Variants in ZMYM4 observed in about 807,000 individuals in gnomAD.
The protein encoded by ZMYM4 is zinc finger MYM-type protein 4.
In ZMYM4, 31 loss-of-function variants were observed where a neutral mutation model predicts 183.2. The ratio of observed to expected loss-of-function variants is 0.17; its 90% CI spans 0.13 to 0.23. ZMYM4 has a LOEUF of 0.23. ZMYM4 is among the 10% of genes least tolerant of loss of function. The probability of loss-of-function intolerance (pLI) is 1.00; values close to 1 mark genes in which losing one functional copy is unlikely to be tolerated. For missense variants in ZMYM4, 1,273 were observed against 1,840.3 expected, an observed-to-expected ratio of 0.69 and a Z score of 5.64; for synonymous variants, 592 against 631.2, an observed-to-expected ratio of 0.94 and a Z score of 0.93.
At chr1:35,329,564 G>C (rs765119615) in intron 2 of ZMYM4, among the ~76,000 whole-genome samples, 1 of 152,190 alleles carries the variant, frequency 6.6e-6, no homozygotes, top group African/African-American at 2.4e-5. Context: ...GAACATAACA[G>C]ACTTGACAGT....
chr1:35,271,707 A>C (rs943031662), intron 1 of ZMYM4, among the ~76,000 whole-genome samples: 4 of 152,194 alleles, frequency 2.6e-5, no homozygotes, highest in African/African-American at 7.2e-5. Flanking sequence ...CTGGCCCAAA[A>C]GTTAATTTTA....
At chr1:35,392,072 C>A in intron 15 of ZMYM4, 140 bp from the exon 16 acceptor site, 1 of 1,075,254 alleles carries the variant, frequency 9.3e-7, no homozygotes, top group Non-Finnish European at 1.3e-6. Context: ...AAAACCAAAA[C>A]CCAGTTAATC....
intron 1 of ZMYM4, among the ~76,000 whole-genome samples, chr1:35,296,980 G>A (rs998363523): frequency 6.6e-6 from 1 of 150,946 alleles, no homozygotes; most frequent in African/African-American, 2.4e-5. Context: ...CTCCTGAGTA[G>A]CTAGGATTAC....
At chr1:35,304,875 C>G (rs1641459412) in intron 1 of ZMYM4, among the ~76,000 whole-genome samples, 1 of 151,582 alleles carries the variant, frequency 6.6e-6, no homozygotes, top group Non-Finnish European at 1.5e-5. Flanking sequence ...TAGACAGAGT[C>G]TTGCTCTGTC....
intron 17 of ZMYM4, among the ~76,000 whole-genome samples, chr1:35,392,936 G>T (rs1644737547): frequency 6.6e-6 from 1 of 152,088 alleles, no homozygotes; most frequent in South Asian, 2.1e-4. Context: ...GAAGTAAATT[G>T]TACAGGATTT....
chr1:35,389,060 A>G lies in ZMYM4; in HGVS notation c.2414A>G (p.Lys805Arg). ...TTCTGTTGTGAAGAATGCATGTCCA[A>G]ATATACAGTTTTGTTCTATCAGGTA... ...EEFCCEECMS[K>R]YTVLFYQMAK... The change falls in exon 14 of 30, where the codon AAA becomes AGA. Residue 805 changes from lysine to arginine, a missense_variant. Coordinates refer to ENST00000314607, the MANE Select transcript of ZMYM4 (RefSeq NM_005095.3). This position sits in a 1 kb window ranked among gnomAD's most constrained non-coding sequence, Gnocchi z 4.0. 1.2e-6 allele frequency: 2 copies of G among 1,613,852 alleles called. No individual in the cohort carries two copies. The highest frequency in any genetic ancestry group is 1.7e-6 in the Non-Finnish European group (2 of 1,179,952).
chr1:35,268,776 G>C lies in ZMYM4; in HGVS notation c.-271G>C, dbSNP rs1639431999. On this transcript the variant is annotated 5_prime_UTR_variant, in exon 1 of 30. Transcript: ENST00000314607. Reference sequence around the variant, plus strand: ...TCTGAGAGAAAATAATCCTACTCACGGGGCCCCTTGGAGGCCATTAACCCC... The same window carrying C: ...TCTGAGAGAAAATAATCCTACTCACCGGGCCCCTTGGAGGCCATTAACCCC... 1.3e-5 allele frequency among the ~76,000 whole-genome samples: 2 copies of C among 152,216 alleles called. No homozygotes were observed. Among genetic ancestry groups the C allele is most frequent in the Admixed American group, 6.5e-5 (1 of 15,284 alleles).
At chr1:35,278,552 A>C (rs987641545) in intron 1 of ZMYM4, among the ~76,000 whole-genome samples, 2 of 151,872 alleles carry the variant, frequency 1.3e-5, no homozygotes, top group Non-Finnish European at 1.5e-5. Flanking sequence ...CAGTCTCCCA[A>C]GTAGCTGGGA....
intron 2 of ZMYM4, among the ~76,000 whole-genome samples, chr1:35,326,075 G>A (rs1333074591): frequency 6.6e-6 from 1 of 152,054 alleles, no homozygotes; most frequent in Non-Finnish European, 1.5e-5. Flanking sequence ...TTGTATGGCT[G>A]TATAATAAGT....
intron 2 of ZMYM4, chr1:35,350,914 A>G: frequency 1.6e-6 from 1 of 642,930 alleles, no homozygotes; most frequent in East Asian, 2.6e-5. Flanking sequence ...CAGATTGCTT[A>G]TGCCCTTATA....
chr1:35,400,733 G>A (rs894235786), intron 23 of ZMYM4, among the ~76,000 whole-genome samples: 2 of 152,132 alleles, frequency 1.3e-5, no homozygotes, highest in African/African-American at 4.8e-5. Context: ...ATTCCACTTA[G>A]CAAGAAGTTC....
intron 1 of ZMYM4, among the ~76,000 whole-genome samples, chr1:35,275,901 T>A (rs1414807655): frequency 6.6e-6 from 1 of 152,222 alleles, no homozygotes; most frequent in South Asian, 2.1e-4. Context: ...ATAGTTCTTA[T>A]CCAACCTTCT....
intron 2 of ZMYM4, among the ~76,000 whole-genome samples, chr1:35,355,147 C>T (rs1189372172): frequency 1.3e-5 from 2 of 150,718 alleles, no homozygotes; most frequent in Non-Finnish European, 3.0e-5. Context: ...CATTCTCCTG[C>T]GTCAGCCTCC....
rs577872662 is a variant in ZMYM4 at position 35,363,863 on chromosome 1, C to G, written c.840+2074C>G. 1.7e-4 allele frequency among the ~76,000 whole-genome samples: 26 copies of G among 152,272 alleles called. 1 individual carries two copies. In the East Asian group the frequency reaches 2.9e-3, roughly 17 times the overall value. On this transcript the variant is annotated intron_variant, in intron 5 of 29. Transcript: ENST00000314607. ...AGCCATGTCTATATGAAGGGCAGAT[C>G]TTGTATCTCTTCTCCTGCCCCAATG...
intron 1 of ZMYM4, among the ~76,000 whole-genome samples, chr1:35,312,225 T>C (rs1641836376): frequency 1.3e-5 from 2 of 152,224 alleles, no homozygotes; most frequent in African/African-American, 2.4e-5. Context: ...GTTTGACGTT[T>C]GCTTAGCTTC....
rs1256583916 is a variant in ZMYM4 at position 35,389,360 on chromosome 1, C to T, written c.2436+278C>T. On this transcript the variant is annotated intron_variant, in intron 14 of 29. Transcript: ENST00000314607. This position sits in a 1 kb window ranked among gnomAD's most constrained non-coding sequence, Gnocchi z 4.0. ...TATTATTTAAATAAAGTGAATTTGT[C>T]TTCTGAAGTCTGAGGAAGATAGACC... Among the ~76,000 whole-genome samples the T allele has an allele frequency of 6.6e-6, 1 of 152,040 alleles. No individual in the cohort carries two copies. Among genetic ancestry groups the T allele is most frequent in the African/African-American group, 2.4e-5 (1 of 41,390 alleles).
chr1:35,352,386 G>GCGCGCACACACACACACACACACACA (rs1231646476), intron 2 of ZMYM4, among the ~76,000 whole-genome samples: 1 of 128,394 alleles, frequency 7.8e-6, no homozygotes, highest in Non-Finnish European at 1.7e-5. Context: ...AAAAATTAGC[G>GCGCGCACACACACACACACACACACA]CACACACACA....
At chr1:35,325,237 A>G (rs1642456250) in intron 1 of ZMYM4, 123 bp from the exon 2 acceptor site, 2 of 785,416 alleles carry the variant, frequency 2.5e-6, no homozygotes, top group Non-Finnish European at 3.8e-6. Context: ...GTTTTTGTTT[A>G]TATTGTGCAC....
intron 26 of ZMYM4, among the ~76,000 whole-genome samples, chr1:35,410,575 G>A (rs760639196): frequency 9.9e-5 from 15 of 151,700 alleles, no homozygotes; most frequent in Non-Finnish European, 2.9e-5. Context: ...TGCAAGCTGC[G>A]CATCCCAGGT....
Sources: gnomAD v4.1 joint callset for allele counts (sites outside exome capture counted in the v4.1 genomes callset) on GRCh38, gnomAD v4.1.1 for gene constraint, Gnocchi (gnomAD v3.1) non-coding constraint, MANE v1.5 for transcripts, NCBI Gene and HGNC (gene_info 2026-07-23, HGNC 2026-07-21) for gene names.